Variants in NLGN4X observed in about 807,000 individuals in gnomAD.
NLGN4X encodes the protein neuroligin 4 X-linked.
NLGN4X carries 3 observed loss-of-function variants against 40.3 expected under a neutral mutation model. The observed-to-expected ratio is 0.07, with a 90% CI of 0.03 to 0.19. The LOEUF (loss-of-function observed/expected upper bound fraction) is 0.19. Ranked by LOEUF, NLGN4X falls within the 10% of genes least tolerant of loss-of-function variation. The pLI, the probability that NLGN4X is intolerant of heterozygous loss-of-function variation, is 1.00. For missense variants in NLGN4X, 382 were observed against 708.3 expected (o/e 0.54, Z 5.23); for synonymous variants, 270 against 306.8 (o/e 0.88, Z 1.25).
In NLGN4X at chrX:5,890,733, GATA is replaced by G. The variant is rs1181758973; in HGVS notation, c.*2081_*2083del. 16 of 303,620 alleles carry G rather than the reference GATA, an allele frequency of 5.3e-5. No homozygotes were observed. The highest frequency in any genetic ancestry group is 4.3e-4 in the South Asian group (14 of 32,832). The allele number at this position is 303,620 out of a possible 1,213,427, so 25.0% of individuals were successfully genotyped here. On this transcript the variant is annotated 3_prime_UTR_variant, in exon 6 of 6. Coordinates refer to ENST00000381095, the MANE Select transcript of NLGN4X (RefSeq NM_181332.3). ...TGTTGCTTCACGTGTGCTAAGTTGA[GATA>G]ATAATATTTCACATATTTATATACA...
At chrX:5,949,288 G>A (rs981055784) in intron 3 of NLGN4X, among the ~76,000 whole-genome samples, 15 of 111,896 alleles carry the variant, frequency 1.3e-4, no homozygotes, top group Non-Finnish European at 2.6e-4. Flanking sequence ...AATAGATATG[G>A]AAGAGCACAC....
intron 3 of NLGN4X, among the ~76,000 whole-genome samples, chrX:5,948,237 C>T (rs5961386): frequency 0.048 from 5,314 of 111,192 alleles, 323 homozygotes; most frequent in African/African-American, 0.16. Flanking sequence ...TTAATATGAC[C>T]CAAACAATAG....
chrX:5,925,412 T>A (rs944697198), intron 3 of NLGN4X, among the ~76,000 whole-genome samples: 4 of 111,826 alleles, frequency 3.6e-5, no homozygotes, highest in African/African-American at 1.3e-4. Context: ...CGTTAATTCC[T>A]TATGGAAATC....
chrX:5,963,396 G>A (rs747743462), intron 3 of NLGN4X, among the ~76,000 whole-genome samples: 5 of 111,904 alleles, frequency 4.5e-5, no homozygotes, highest in Non-Finnish European at 5.6e-5. Flanking sequence ...AAGGCAGATC[G>A]TGTGAGTGAT....
chrX:6,145,917 C>T (rs975209514), intron 2 of NLGN4X, among the ~76,000 whole-genome samples: 6 of 109,992 alleles, frequency 5.5e-5, no homozygotes, highest in African/African-American at 2.0e-4. Flanking sequence ...GAACCCAAGA[C>T]CAGCCAGAGC....
intron 2 of NLGN4X, among the ~76,000 whole-genome samples, chrX:6,051,278 A>C (rs2037485700): frequency 1.8e-5 from 2 of 112,068 alleles, no homozygotes; most frequent in African/African-American, 6.5e-5. Flanking sequence ...TAATATCTCA[A>C]GAGTTAACTG....
At chrX:6,150,437 T>A (rs1406779225) in intron 2 of NLGN4X, among the ~76,000 whole-genome samples, 1 of 112,006 alleles carries the variant, frequency 8.9e-6, no homozygotes, top group Non-Finnish European at 1.9e-5. Context: ...GAAAAGAACA[T>A]CCAAATTTAC....
intron 2 of NLGN4X, among the ~76,000 whole-genome samples, chrX:6,034,756 T>A (rs1386611613): frequency 9.1e-6 from 1 of 109,455 alleles, no homozygotes; most frequent in East Asian, 2.9e-4. Context: ...TTGCCCAGGC[T>A]AGAGTGCAGT....
intron 4 of NLGN4X, among the ~76,000 whole-genome samples, chrX:5,908,597 A>G (rs1028793428): frequency 1.8e-5 from 2 of 112,025 alleles, no homozygotes; most frequent in African/African-American, 6.5e-5. Context: ...CCTAATTGTC[A>G]CACATTTAAA....
chrX:6,012,773 G>A (rs948090345), intron 3 of NLGN4X, among the ~76,000 whole-genome samples: 4 of 111,157 alleles, frequency 3.6e-5, no homozygotes, highest in African/African-American at 1.3e-4. Context: ...GACAAACACC[G>A]AGGCCACCAG....
intron 1 of NLGN4X, among the ~76,000 whole-genome samples, chrX:6,217,135 C>A (rs1925155361): frequency 3.6e-5 from 4 of 111,855 alleles, no homozygotes; most frequent in Admixed American, 2.9e-4. Context: ...AATAATTATT[C>A]TTTGAAAAAC....
chrX:5,902,466 A>G (rs912699969), intron 5 of NLGN4X, among the ~76,000 whole-genome samples: 28 of 110,155 alleles, frequency 2.5e-4, no homozygotes, highest in Middle Eastern at 4.6e-3. Flanking sequence ...TCAGTGAGCT[A>G]TGATTGCGCC....
rs191823892 is a variant in NLGN4X at position 6,180,466 on chromosome X, G to A, written c.-305-28695C>T. Among the ~76,000 whole-genome samples the A allele has an allele frequency of 1.3e-4, 15 of 111,503 alleles. No individual in the cohort carries two copies. In the East Asian group the frequency reaches 4.2e-3, roughly 31 times the overall value. ...TCACTCCCCCTTTACCTTCCGCCAA[G>A]ATTGTAAGTTCCCTGAGGACTCTCC... On this transcript the variant is annotated intron_variant, in intron 1 of 5. Coordinates refer to ENST00000381095, the MANE Select transcript of NLGN4X (RefSeq NM_181332.3).
At chrX:6,116,324 G>T (rs1486122570) in intron 2 of NLGN4X, among the ~76,000 whole-genome samples, 1 of 66,545 alleles carries the variant, frequency 1.5e-5, no homozygotes, top group Admixed American at 1.9e-4. Context: ...AAAACACTGT[G>T]AAAGAGCGGA....
intron 2 of NLGN4X, among the ~76,000 whole-genome samples, chrX:6,110,825 G>C (rs774626380): frequency 8.9e-6 from 1 of 112,003 alleles, no homozygotes; most frequent in South Asian, 3.8e-4. Flanking sequence ...GGAGGAACTA[G>C]AAATTGAAAT....
chrX:6,071,208 T>C (rs1439247839), intron 2 of NLGN4X, among the ~76,000 whole-genome samples: 4 of 111,601 alleles, frequency 3.6e-5, no homozygotes, highest in African/African-American at 1.3e-4. Flanking sequence ...ACAGTGTGTA[T>C]TGCGGCTCAT....
chrX:5,966,209 T>A (rs1459461743), intron 3 of NLGN4X, among the ~76,000 whole-genome samples: 1 of 112,362 alleles, frequency 8.9e-6, no homozygotes, highest in Non-Finnish European at 1.9e-5. Flanking sequence ...TTATGCTTCA[T>A]TGCAGTGAGA....
chrX:6,001,453 A>G (rs2035967374), intron 3 of NLGN4X, among the ~76,000 whole-genome samples: 1 of 112,426 alleles, frequency 8.9e-6, no homozygotes, highest in South Asian at 3.7e-4. Context: ...AGAAAGAGAC[A>G]CATTCTTTAG....
intron 2 of NLGN4X, among the ~76,000 whole-genome samples, chrX:6,037,336 TA>T (rs1602109142): frequency 9.2e-6 from 1 of 109,173 alleles, no homozygotes; most frequent in Non-Finnish European, 1.9e-5. Context: ...ATAAAAAAAT[TA>T]AAAAAAATTG....
Sources: gnomAD v4.1 joint callset for allele counts (sites outside exome capture counted in the v4.1 genomes callset) on GRCh38, gnomAD v4.1.1 for gene constraint, MANE v1.5 for transcripts, NCBI Gene and HGNC (gene_info 2026-07-23, HGNC 2026-07-21) for gene names.